The following MAP2 variants were observed in gnomAD, a reference collection of about 807,000 sequenced individuals.
MAP2 encodes microtubule-associated protein 2.
In MAP2, 14 loss-of-function variants were observed where a neutral mutation model predicts 137.6. That is an observed-to-expected ratio of 0.10 (90% CI 0.07 to 0.16). The LOEUF (loss-of-function observed/expected upper bound fraction) is 0.16, where lower values mean the gene tolerates loss of function less well. MAP2 is among the 10% of genes least tolerant of loss of function. The pLI is 1.00. For missense variants in MAP2, 2,088 were observed against 2,191.5 expected (o/e 0.95, Z 0.94); for synonymous variants, 786 against 782.3 (o/e 1.00, Z -0.08).
At chr2:209,669,471 G>A (rs866812134) in intron 5 of MAP2, among the ~76,000 whole-genome samples, 6 of 152,008 alleles carry the variant, frequency 3.9e-5, no homozygotes, top group Non-Finnish European at 7.4e-5. Flanking sequence ...AACAAATATA[G>A]TTTCTCCTAG....
At chr2:209,539,924 C>T (rs1337328897) in intron 2 of MAP2, among the ~76,000 whole-genome samples, 15 of 140,552 alleles carry the variant, frequency 1.1e-4, no homozygotes, top group African/African-American at 4.3e-4. Context: ...ATAGTGAGAC[C>T]CCATCTCACG....
chr2:209,670,842 CAT>C (rs149469989), intron 5 of MAP2, among the ~76,000 whole-genome samples: 1,869 of 151,922 alleles, frequency 0.012, 41 homozygotes, highest in African/African-American at 0.043. Context: ...AAAAATAAAA[CAT>C]GTCCTTGAAC....
chr2:209,604,482 A>C (rs138892970), intron 3 of MAP2, among the ~76,000 whole-genome samples: 22 of 152,260 alleles, frequency 1.4e-4, no homozygotes, highest in African/African-American at 5.3e-4. Context: ...TTTGTTCTCT[A>C]ATATGACCAT....
At chr2:209,572,929 G>A (rs12694184) in intron 2 of MAP2, among the ~76,000 whole-genome samples, 9,900 of 152,114 alleles carry the variant, frequency 0.065, 738 homozygotes, top group South Asian at 0.23. Context: ...CATAAATCAG[G>A]GATCCACTAG....
At chr2:209,662,132 A>G (rs2043942559) in intron 5 of MAP2, among the ~76,000 whole-genome samples, 1 of 152,224 alleles carries the variant, frequency 6.6e-6, no homozygotes, top group African/African-American at 2.4e-5. Flanking sequence ...GTATGATTTT[A>G]TTCCTTGGAA....
chr2:209,615,847 A>G (rs2089123888), intron 3 of MAP2, among the ~76,000 whole-genome samples: 1 of 151,952 alleles, frequency 6.6e-6, no homozygotes, highest in Non-Finnish European at 1.5e-5. Context: ...TTCCTAATTG[A>G]TTTTTCTATG....
At chr2:209,478,577 A>G (rs567462992) in intron 1 of MAP2, among the ~76,000 whole-genome samples, 2 of 152,340 alleles carry the variant, frequency 1.3e-5, no homozygotes, top group South Asian at 4.1e-4. Context: ...GACACCCAGC[A>G]CATCACAGCT....
At chr2:209,451,775 A>G (rs1476438967) in intron 1 of MAP2, among the ~76,000 whole-genome samples, 1 of 152,194 alleles carries the variant, frequency 6.6e-6, no homozygotes, top group Non-Finnish European at 1.5e-5. Flanking sequence ...TCTGTCTGCA[A>G]CATTGTTTTT....
intron 4 of MAP2, among the ~76,000 whole-genome samples, chr2:209,646,785 G>A (rs1163814345): frequency 5.3e-5 from 8 of 151,866 alleles, no homozygotes; most frequent in Admixed American, 2.6e-4. Flanking sequence ...TCATTCTTTT[G>A]TTGTTGTTGT....
chr2:209,425,391 T>TCC (rs1559145780), intron 1 of MAP2, among the ~76,000 whole-genome samples: 1 of 152,132 alleles, frequency 6.6e-6, no homozygotes, highest in African/African-American at 2.4e-5. Context: ...ATATACATGT[T>TCC]ACAAAAGGAA....
intron 5 of MAP2, among the ~76,000 whole-genome samples, chr2:209,664,962 CAAAAAAAAAAAAAA>C (rs67286716): frequency 1.9e-5 from 1 of 51,836 alleles, no homozygotes. Flanking sequence ...AACTCCGTCT[CAAAAAAAAAAAAAA>C]AAAAAAAAAA....
chr2:209,558,002 T>G (rs942423194), intron 2 of MAP2, among the ~76,000 whole-genome samples: 3 of 152,198 alleles, frequency 2.0e-5, no homozygotes, highest in Admixed American at 1.3e-4. Flanking sequence ...TTTGAATAAT[T>G]TTAAAGCTAC....
intron 2 of MAP2, among the ~76,000 whole-genome samples, chr2:209,560,099 G>T (rs2071654158): frequency 6.6e-6 from 1 of 152,148 alleles, no homozygotes; most frequent in Non-Finnish European, 1.5e-5. Context: ...AAATAAGCTA[G>T]CTTGGTTAGA....
chr2:209,425,456 T>C (rs73065164), intron 1 of MAP2, among the ~76,000 whole-genome samples: 1 of 152,280 alleles, frequency 6.6e-6, no homozygotes, highest in African/African-American at 2.4e-5. Context: ...TTGGAAATTA[T>C]GTTGTGAATA....
At chr2:209,640,790 C>G (rs1398159767) in intron 4 of MAP2, among the ~76,000 whole-genome samples, 1 of 151,898 alleles carries the variant, frequency 6.6e-6, no homozygotes, top group African/African-American at 2.4e-5. Flanking sequence ...TCTTAAATAG[C>G]CAAAAAGCCG....
chr2:209,601,790 T>C (rs1175510144), intron 3 of MAP2, among the ~76,000 whole-genome samples: 4 of 152,216 alleles, frequency 2.6e-5, no homozygotes, highest in African/African-American at 7.2e-5. Context: ...GGATAAAGGA[T>C]ATTCAGCATT....
At chr2:209,718,153 G>T (rs2068530399) in intron 13 of MAP2, among the ~76,000 whole-genome samples, 1 of 152,162 alleles carries the variant, frequency 6.6e-6, no homozygotes, top group Admixed American at 6.5e-5. Flanking sequence ...GTAATGAAAA[G>T]GTTTTGAGCT....
At position 209,522,694 on chromosome 2, in the gene MAP2, A is replaced by C. The variant is rs540313066; in HGVS notation, c.-172+15053A>C. ...ATCCAGGAAATTTATTTAAAGCTCCATATGGAAGTTTTTGTTTTTGTTTTT... is the reference window on the plus strand; with the variant it reads ...ATCCAGGAAATTTATTTAAAGCTCCCTATGGAAGTTTTTGTTTTTGTTTTT... On this transcript the variant is annotated intron_variant, in intron 2 of 15. Transcript: ENST00000682079. Among the ~76,000 whole-genome samples the C allele has an allele frequency of 3.3e-5, 5 of 152,258 alleles. No individual in the cohort carries two copies. In the East Asian group the frequency reaches 9.7e-4, roughly 29 times the overall value.
intron 5 of MAP2, among the ~76,000 whole-genome samples, chr2:209,660,068 G>A (rs899650404): frequency 1.3e-5 from 2 of 151,966 alleles, no homozygotes; most frequent in African/African-American, 4.8e-5. Flanking sequence ...AGTAGAAAGT[G>A]CCTACGTGAC....
Sources: allele counts gnomAD v4.1 joint callset (sites outside exome capture counted in the v4.1 genomes callset), GRCh38; gene constraint gnomAD v4.1.1; transcripts MANE v1.5; gene names NCBI Gene and HGNC (gene_info 2026-07-23, HGNC 2026-07-21).